DTNA: variants seen among roughly 807,000 people sequenced by gnomAD.
DTNA encodes dystrophin-related protein 3.
In DTNA, 43 loss-of-function variants were observed where a neutral mutation model predicts 100.7. The ratio of observed to expected loss-of-function variants is 0.43; its 90% confidence interval spans 0.33 to 0.55. The LOEUF is 0.55. Ranked by LOEUF, DTNA falls within the 20% of genes least tolerant of loss-of-function variation. The pLI is 0.04. For missense variants in DTNA, 798 were observed against 953.9 expected, an observed-to-expected ratio of 0.84 and a Z score of 2.15; for synonymous variants, 349 against 347.9, an observed-to-expected ratio of 1.00 and a Z score of -0.04.
chr18:34,614,484 G>T (rs1163688752), intron 1 of DTNA, among the ~76,000 whole-genome samples: 1 of 152,138 alleles, frequency 6.6e-6, no homozygotes, highest in Non-Finnish European at 1.5e-5. Flanking sequence ...CTTCTGGAAA[G>T]GATTCTCCAT....
intron 1 of DTNA, among the ~76,000 whole-genome samples, chr18:34,510,071 G>GTGTGTGTGTT (rs2040888378): frequency 6.7e-6 from 1 of 149,018 alleles, no homozygotes; most frequent in Admixed American, 6.7e-5. Context: ...GTGTAATTTT[G>GTGTGTGTGTT]TGTGTGTGTG....
intron 1 of DTNA, among the ~76,000 whole-genome samples, chr18:34,642,973 C>T (rs2059461429): frequency 6.6e-6 from 1 of 152,236 alleles, no homozygotes; most frequent in Admixed American, 6.5e-5. Context: ...CCCAAACTAA[C>T]ACTACCTGGA....
chr18:34,786,965 T>C (rs560524168), intron 3 of DTNA, among the ~76,000 whole-genome samples: 2 of 152,306 alleles, frequency 1.3e-5, no homozygotes, highest in Non-Finnish European at 2.9e-5. Context: ...GCGCTTCTTA[T>C]ACTTAAATGT....
intron 1 of DTNA, among the ~76,000 whole-genome samples, chr18:34,582,098 TCTC>T (rs1471259380): frequency 3.3e-5 from 5 of 152,126 alleles, no homozygotes; most frequent in Non-Finnish European, 7.4e-5. Context: ...AAATTGAAAT[TCTC>T]CTAAATGTGG....
chr18:34,884,840 T>C (rs2096907144), intron 22 of DTNA, 64 bp downstream of exon 22: 2 of 1,548,990 alleles, frequency 1.3e-6, no homozygotes, highest in African/African-American at 1.4e-5. Context: ...TAACCTGTAA[T>C]GCGAATTCAC....
At chr18:34,798,263 G>A (rs2095067164) in intron 4 of DTNA, among the ~76,000 whole-genome samples, 1 of 152,112 alleles carries the variant, frequency 6.6e-6, no homozygotes, top group Non-Finnish European at 1.5e-5. Context: ...GCCTCTCAAA[G>A]TACTGGGATT....
rs372154509 is a variant in DTNA, at chr18:34,667,330, C to G, written c.-1-88646C>G. 1.9e-4 allele frequency among the ~76,000 whole-genome samples: 29 copies of G among 152,288 alleles called. No individual in the cohort carries two copies. In the South Asian group the frequency reaches 6.0e-3, roughly 32 times the overall value. On this transcript the variant is annotated intron_variant, in intron 1 of 19. Transcript: ENST00000283365. ...AGCTTAATGAGATTTGGGGCTGAGA[C>G]GATGGGGTTTTCTAGATATACAATC... is the stretch of plus-strand genomic sequence containing the variant.
chr18:34,535,202 G>T (rs528946271), intron 1 of DTNA, among the ~76,000 whole-genome samples: 1 of 152,214 alleles, frequency 6.6e-6, no homozygotes, highest in South Asian at 2.1e-4. Context: ...GTGTGAGATG[G>T]TATCTCATTG....
At chr18:34,723,941 A>G (rs1277825494) in intron 1 of DTNA, among the ~76,000 whole-genome samples, 1 of 152,142 alleles carries the variant, frequency 6.6e-6, no homozygotes, top group Admixed American at 6.6e-5. Context: ...ACTATGAAAA[A>G]TATTAAACTT....
intron 1 of DTNA, among the ~76,000 whole-genome samples, chr18:34,524,062 A>G (rs2042385212): frequency 6.6e-6 from 1 of 152,152 alleles, no homozygotes; most frequent in Admixed American, 6.6e-5. Context: ...AAACATGAAG[A>G]TGGTTGTTCC....
intron 10 of DTNA, chr18:34,829,108 T>G: frequency 6.2e-7 from 1 of 1,614,108 alleles, no homozygotes; most frequent in Non-Finnish European, 8.5e-7. Flanking sequence ...AAAATATTCC[T>G]ATAATACTTT....
At chr18:34,634,032 C>T (rs1403393898) in intron 1 of DTNA, among the ~76,000 whole-genome samples, 2 of 152,120 alleles carry the variant, frequency 1.3e-5, no homozygotes, top group South Asian at 2.1e-4. Flanking sequence ...CCTCAAGCCC[C>T]CAGCCCAAAA....
chr18:34,556,537 C>T (rs2146096023), intron 1 of DTNA, among the ~76,000 whole-genome samples: 1 of 152,056 alleles, frequency 6.6e-6, no homozygotes, highest in East Asian at 1.9e-4. Context: ...TTTAGTGCTT[C>T]CTTCAGGAGC....
At chr18:34,682,981 G>A (rs527654096) in intron 1 of DTNA, among the ~76,000 whole-genome samples, 2 of 151,926 alleles carry the variant, frequency 1.3e-5, no homozygotes, top group Admixed American at 6.6e-5. Flanking sequence ...TAAATTTTCA[G>A]GTATATCCCA....
intron 1 of DTNA, among the ~76,000 whole-genome samples, chr18:34,736,504 A>C (rs1348678333): frequency 6.6e-6 from 1 of 152,194 alleles, no homozygotes; most frequent in Non-Finnish European, 1.5e-5. Flanking sequence ...AAGAAGAAAA[A>C]ATGGAAGATT....
chr18:34,759,547 A>G (rs2093001662), intron 2 of DTNA, among the ~76,000 whole-genome samples: 2 of 152,228 alleles, frequency 1.3e-5, no homozygotes, highest in South Asian at 2.1e-4. Context: ...CTTTGAGAAC[A>G]TTGAAGGCTG....
intron 1 of DTNA, among the ~76,000 whole-genome samples, chr18:34,672,038 C>CT (rs1238553313): frequency 1.3e-5 from 2 of 152,068 alleles, no homozygotes; most frequent in African/African-American, 2.4e-5. Flanking sequence ...CAATTTAATT[C>CT]TTTTTTTGGC....
chr18:34,807,868 CA>C (rs1347854044), intron 5 of DTNA, among the ~76,000 whole-genome samples: 3 of 81,130 alleles, frequency 3.7e-5, no homozygotes, highest in Admixed American at 1.3e-4. Flanking sequence ...TTTTTTTTTT[CA>C]AAAAAAAAGA....
intron 3 of DTNA, among the ~76,000 whole-genome samples, chr18:34,769,629 A>G (rs1029082151): frequency 3.3e-5 from 5 of 151,806 alleles, no homozygotes; most frequent in Non-Finnish European, 5.9e-5. Context: ...AGGCACTGCC[A>G]GATTTGGTAT....
Sources: allele counts gnomAD v4.1 joint callset (sites outside exome capture counted in the v4.1 genomes callset), GRCh38; gene constraint gnomAD v4.1.1; transcripts MANE v1.5; gene names NCBI Gene and HGNC (gene_info 2026-07-23, HGNC 2026-07-21).